BLTP3B: variants seen among roughly 807,000 people sequenced by gnomAD.
BLTP3B encodes the protein UHRF1 (ICBP90) binding protein 1-like.
chr12:100,108,462 T>A, the BLTP3B span: 1 of 1,613,716 alleles, frequency 6.2e-7, no homozygotes, highest in African/African-American at 1.3e-5. Context: ...CTGGAGTACT[T>A]CTTCATCCAA....
chr12:100,049,257 A>G, the BLTP3B span, among the ~76,000 whole-genome samples: 1 of 152,198 alleles, frequency 6.6e-6, no homozygotes, highest in African/African-American at 2.4e-5. Flanking sequence ...TTAAGATAAA[A>G]ACAAACTCGT....
chr12:100,098,804 G>A, the BLTP3B span, among the ~76,000 whole-genome samples: 1 of 151,784 alleles, frequency 6.6e-6, no homozygotes, highest in Non-Finnish European at 1.5e-5. Flanking sequence ...AGCTACTTGG[G>A]AGGCTGAGGG....
chr12:100,107,289 C>CAAAAAAAAAAAAAAAA, the BLTP3B span, among the ~76,000 whole-genome samples: 1 of 35,346 alleles, frequency 2.8e-5, no homozygotes, highest in Non-Finnish European at 4.8e-5. Context: ...CTCCATCTCC[C>CAAAAAAAAAAAAAAAA]AAAAAAAAAA....
At chr12:100,042,744 G>T in the BLTP3B span, among the ~76,000 whole-genome samples, 1 of 152,142 alleles carries the variant, frequency 6.6e-6, no homozygotes, top group Non-Finnish European at 1.5e-5. Context: ...TGAGGCGTGA[G>T]CAAAAAGATT....
At chr12:100,089,463 G>T in the BLTP3B span, among the ~76,000 whole-genome samples, 1 of 152,132 alleles carries the variant, frequency 6.6e-6, no homozygotes, top group African/African-American at 2.4e-5. Flanking sequence ...GGGAGGCTGA[G>T]GCAGGAGAAT....
chr12:100,142,468 CG>C, the BLTP3B span: 6 of 1,074,324 alleles, frequency 5.6e-6, no homozygotes, highest in African/African-American at 6.7e-5. Context: ...CCGGCCAGAG[CG>C]GGGAAGTCCG....
the BLTP3B span, chr12:100,059,588 G>T: frequency 3.3e-4 from 491 of 1,498,122 alleles, no homozygotes; most frequent in Middle Eastern, 5.3e-4. Context: ...ACATCTTGAA[G>T]ATAAAAGAAC....
At chr12:100,086,212 A>C in the BLTP3B span, 4 of 1,085,060 alleles carry the variant, frequency 3.7e-6, no homozygotes, top group Non-Finnish European at 5.1e-6. Context: ...AACTAAACTA[A>C]ATAAATTAGC....
chr12:100,134,641 C>A, the BLTP3B span, among the ~76,000 whole-genome samples: 1 of 151,852 alleles, frequency 6.6e-6, no homozygotes, highest in South Asian at 2.1e-4. Context: ...ATCGAACTTT[C>A]ATCCAACTTA....
the BLTP3B span, among the ~76,000 whole-genome samples, chr12:100,106,349 T>A: frequency 6.6e-6 from 1 of 151,178 alleles, no homozygotes; most frequent in Non-Finnish European, 1.5e-5. Flanking sequence ...AGATATGGAA[T>A]CAATCTAAGT....
the BLTP3B span, among the ~76,000 whole-genome samples, chr12:100,049,899 G>A: frequency 6.6e-6 from 1 of 152,006 alleles, no homozygotes; most frequent in African/African-American, 2.4e-5. Flanking sequence ...AACAAAATGA[G>A]TTTTTTGGAG....
chr12:100,071,639 A>T, the BLTP3B span, among the ~76,000 whole-genome samples: 1 of 152,196 alleles, frequency 6.6e-6, no homozygotes, highest in African/African-American at 2.4e-5. Context: ...ACAAATGTAC[A>T]ATCATTTTAA....
At chr12:100,089,395 C>G in the BLTP3B span, among the ~76,000 whole-genome samples, 2 of 151,972 alleles carry the variant, frequency 1.3e-5, no homozygotes, top group Non-Finnish European at 2.9e-5. Flanking sequence ...CCCATTTCTA[C>G]TAAAAATATA....
chr12:100,084,777 AT>A, the BLTP3B span: 1 of 1,037,642 alleles, frequency 9.6e-7, no homozygotes. Flanking sequence ...TATCTGAAAA[AT>A]TTACAGGCTT....
At chr12:100,062,070 T>C in the BLTP3B span, among the ~76,000 whole-genome samples, 724 of 152,252 alleles carry the variant, frequency 4.8e-3, 3 homozygotes, top group Middle Eastern at 0.01. Flanking sequence ...AGGAAGACCA[T>C]GTGAAAACAA....
chr12:100,076,128 A>C, the BLTP3B span, among the ~76,000 whole-genome samples: 489 of 151,972 alleles, frequency 3.2e-3, 2 homozygotes, highest in African/African-American at 0.011. Flanking sequence ...AAAAAAAAAA[A>C]AACTATTAGT....
chr12:100,126,247 A>T, the BLTP3B span, among the ~76,000 whole-genome samples: 2 of 152,324 alleles, frequency 1.3e-5, no homozygotes, highest in East Asian at 3.9e-4. Context: ...CACGTTCAAG[A>T]TTACAGGGTC....
the BLTP3B span, among the ~76,000 whole-genome samples, chr12:100,102,005 G>C: frequency 6.6e-6 from 1 of 151,996 alleles, no homozygotes; most frequent in African/African-American, 2.4e-5. Flanking sequence ...TCACCATGTT[G>C]GTCAAGCTGG....
At chr12:100,103,388 C>T in the BLTP3B span, among the ~76,000 whole-genome samples, 1 of 152,118 alleles carries the variant, frequency 6.6e-6, no homozygotes, top group Non-Finnish European at 1.5e-5. Context: ...TCCTTAATCG[C>T]CATCACTAAC....
Sources: gnomAD v4.1 joint callset for allele counts (sites outside exome capture counted in the v4.1 genomes callset) on GRCh38, gnomAD v4.1.1 for gene constraint, MANE v1.5 for transcripts, NCBI Gene and HGNC (gene_info 2026-07-23, HGNC 2026-07-21) for gene names.